Variants in LINGO2 observed in about 807,000 individuals in gnomAD.
The protein encoded by LINGO2 is leucine rich repeat and Ig domain containing 2, also known as leucine-rich repeat and immunoglobulin-like domain-containing nogo receptor-interacting protein 2.
Under a neutral mutation model 30.6 loss-of-function variants are expected in LINGO2, and 14 were observed. The observed-to-expected ratio is 0.46, with a 90% confidence interval of 0.30 to 0.72. The LOEUF is 0.72. Ranked by LOEUF, LINGO2 falls within the 30% of genes least tolerant of loss-of-function variation. The pLI is 0.07. For missense variants in LINGO2, 729 were observed against 751.7 expected (o/e 0.97, Z 0.35); for synonymous variants, 317 against 288.5 (o/e 1.10, Z -1.00).
At chr9:29,055,110 T>C in the LINGO2 span, among the ~76,000 whole-genome samples, 1 of 151,948 alleles carries the variant, frequency 6.6e-6, no homozygotes. Context: ...TCCCAGCTAC[T>C]CAGGAGGCTG....
chr9:28,686,095 C>T, the LINGO2 span, among the ~76,000 whole-genome samples: 1 of 151,526 alleles, frequency 6.6e-6, no homozygotes, highest in Admixed American at 6.6e-5. Context: ...TTCTTTCTGC[C>T]CAGATATGGG....
the LINGO2 span, among the ~76,000 whole-genome samples, chr9:29,085,545 G>A: frequency 6.6e-6 from 1 of 151,830 alleles, no homozygotes; most frequent in African/African-American, 2.4e-5. Context: ...CTAAATTTGA[G>A]GGTCCACATG....
chr9:28,074,690 A>G (rs1370779763), intron 4 of LINGO2, among the ~76,000 whole-genome samples: 1 of 152,140 alleles, frequency 6.6e-6, no homozygotes, highest in Non-Finnish European at 1.5e-5. Flanking sequence ...TCCCATGCCA[A>G]ACACATGCAC....
At chr9:28,087,834 T>A (rs541609704) in intron 4 of LINGO2, among the ~76,000 whole-genome samples, 84 of 151,930 alleles carry the variant, frequency 5.5e-4, no homozygotes, top group Admixed American at 3.0e-3. Flanking sequence ...GAGTAACCCA[T>A]GAGATAGCTC....
At chr9:28,878,731 C>CA in the LINGO2 span, among the ~76,000 whole-genome samples, 1 of 152,128 alleles carries the variant, frequency 6.6e-6, no homozygotes, top group African/African-American at 2.4e-5. Flanking sequence ...GAACCAAAGA[C>CA]AAAAACCACA....
At chr9:29,201,058 T>C in the LINGO2 span, among the ~76,000 whole-genome samples, 13 of 152,178 alleles carry the variant, frequency 8.5e-5, no homozygotes, top group Non-Finnish European at 1.6e-4. Context: ...GTTGAGGTCA[T>C]GTTTGTCTGG....
At chr9:28,506,515 T>TATATATATATATATAG (rs1554729666) in intron 1 of LINGO2, among the ~76,000 whole-genome samples, 2 of 100,604 alleles carry the variant, frequency 2.0e-5, no homozygotes, top group African/African-American at 3.7e-5. Context: ...CATATATATA[T>TATATATATATATATAG]ATATATAAAC....
chr9:28,456,901 A>G (rs1358647850), intron 2 of LINGO2, among the ~76,000 whole-genome samples: 2 of 152,184 alleles, frequency 1.3e-5, no homozygotes, highest in Non-Finnish European at 2.9e-5. Flanking sequence ...GATTTATTCA[A>G]AATAATATTT....
the LINGO2 span, among the ~76,000 whole-genome samples, chr9:28,803,121 G>GC: frequency 6.6e-6 from 1 of 152,176 alleles, no homozygotes; most frequent in East Asian, 1.9e-4. Context: ...TTTAGATCTT[G>GC]TTATGGGGCT....
At chr9:29,130,319 C>A in the LINGO2 span, among the ~76,000 whole-genome samples, 8 of 152,020 alleles carry the variant, frequency 5.3e-5, no homozygotes, top group Non-Finnish European at 1.0e-4. Flanking sequence ...TTTAGGTTAC[C>A]CCCAAAGCCT....
chr9:28,825,108 T>A, the LINGO2 span, among the ~76,000 whole-genome samples: 1 of 152,208 alleles, frequency 6.6e-6, no homozygotes, highest in East Asian at 1.9e-4. Flanking sequence ...ACTCCTTCAT[T>A]ATCTATGCCT....
At chr9:28,510,744 T>C (rs1820348976) in intron 1 of LINGO2, among the ~76,000 whole-genome samples, 2 of 152,040 alleles carry the variant, frequency 1.3e-5, no homozygotes, top group East Asian at 3.9e-4. Flanking sequence ...GTCAGGATTC[T>C]CTAGAGGGAC....
At chr9:28,464,604 A>G (rs1825223480) in intron 2 of LINGO2, among the ~76,000 whole-genome samples, 1 of 152,240 alleles carries the variant, frequency 6.6e-6, no homozygotes, top group Non-Finnish European at 1.5e-5. Flanking sequence ...GGGAAAATAA[A>G]CATGCCTAAA....
the LINGO2 span, among the ~76,000 whole-genome samples, chr9:29,183,542 T>C: frequency 6.6e-6 from 1 of 152,174 alleles, no homozygotes; most frequent in East Asian, 1.9e-4. Context: ...CTCTATTATC[T>C]GAGAAAGAAG....
At chr9:28,460,880 C>T (rs941218653) in intron 2 of LINGO2, among the ~76,000 whole-genome samples, 2 of 151,924 alleles carry the variant, frequency 1.3e-5, no homozygotes, top group Non-Finnish European at 2.9e-5. Context: ...AACTCAACTT[C>T]GTCATACAAA....
chr9:28,025,050 T>A (rs1025326158), intron 4 of LINGO2, among the ~76,000 whole-genome samples: 1 of 152,222 alleles, frequency 6.6e-6, no homozygotes, highest in African/African-American at 2.4e-5. Flanking sequence ...AGGATTTCTT[T>A]CACTCAATTA....
At chr9:28,397,354 A>C (rs1822086833) in intron 2 of LINGO2, among the ~76,000 whole-genome samples, 1 of 55,894 alleles carries the variant, frequency 1.8e-5, no homozygotes, top group African/African-American at 5.7e-5. Flanking sequence ...GATGTTTTGA[A>C]GTATATATAT....
intron 4 of LINGO2, among the ~76,000 whole-genome samples, chr9:28,029,419 G>A (rs563586566): frequency 4.6e-5 from 7 of 152,210 alleles, no homozygotes; most frequent in Non-Finnish European, 7.4e-5. Flanking sequence ...AGAGCTACTC[G>A]GTTAACAGAA....
the LINGO2 span, among the ~76,000 whole-genome samples, chr9:28,865,332 G>A: frequency 6.6e-6 from 1 of 152,040 alleles, no homozygotes; most frequent in East Asian, 1.9e-4. Flanking sequence ...GAGTAAAGGA[G>A]CAGTTATACA....
Sources: allele counts gnomAD v4.1 joint callset (sites outside exome capture counted in the v4.1 genomes callset), GRCh38; gene constraint gnomAD v4.1.1; transcripts MANE v1.5; gene names NCBI Gene and HGNC (gene_info 2026-07-23, HGNC 2026-07-21).